The following SLCO3A1 variants were observed in gnomAD, a reference collection of about 807,000 sequenced individuals.
The protein encoded by SLCO3A1 is PGE1 transporter.
Under a neutral mutation model 63.1 loss-of-function variants are expected in SLCO3A1, and 27 were observed. That is an observed-to-expected ratio of 0.43 (90% confidence interval 0.32 to 0.59). The LOEUF (loss-of-function observed/expected upper bound fraction) is 0.59, where lower values mean the gene tolerates loss of function less well. SLCO3A1 is among the 20% of genes least tolerant of loss of function. The pLI, the probability that SLCO3A1 is intolerant of heterozygous loss-of-function variation, is 0.09. For missense variants in SLCO3A1, 773 were observed against 945.8 expected, an observed-to-expected ratio of 0.82 and a Z score of 2.40; for synonymous variants, 473 against 409.9, an observed-to-expected ratio of 1.15 and a Z score of -1.86.
Position 91,954,480 on chromosome 15 carries a change from A to AT in SLCO3A1, c.646+38025dup, listed in dbSNP as rs1900103328. The stretch of plus-strand genomic sequence containing the variant: ...TCAATAAATTGTTGCAGAAGCAAAT[A>AT]TTTACCTCACCACTGGGAGAGGGCT... On this transcript the variant is annotated intron_variant, in intron 2 of 9. Coordinates refer to ENST00000318445, the MANE Select transcript of SLCO3A1 (RefSeq NM_013272.4). This position sits in a 1 kb window ranked among gnomAD's most constrained non-coding sequence, Gnocchi z 4.7. 6.6e-6 allele frequency among the ~76,000 whole-genome samples: 1 copy of AT among 152,116 alleles called. No individual in the cohort carries two copies. Among genetic ancestry groups the AT allele is most frequent in the African/African-American group, 2.4e-5 (1 of 41,406 alleles).
chr15:92,072,764 T>C (rs2047231769), intron 2 of SLCO3A1, among the ~76,000 whole-genome samples: 1 of 152,138 alleles, frequency 6.6e-6, no homozygotes, highest in Non-Finnish European at 1.5e-5. Flanking sequence ...TTCTCTCTTT[T>C]CTGTGTGTCT....
intron 4 of SLCO3A1, among the ~76,000 whole-genome samples, chr15:92,112,189 G>C (rs1392089000): frequency 1.3e-5 from 2 of 152,200 alleles, no homozygotes; most frequent in Non-Finnish European, 2.9e-5. Flanking sequence ...GGGGGACAGG[G>C]ATGAGCAGAG....
intron 2 of SLCO3A1, among the ~76,000 whole-genome samples, chr15:92,016,442 T>G (rs1254433014): frequency 2.0e-5 from 3 of 152,168 alleles, no homozygotes; most frequent in Admixed American, 6.5e-5. Flanking sequence ...CTTGAGCCAC[T>G]GAGCCCAGCC....
At chr15:92,139,630 A>G (rs2048103029) in intron 7 of SLCO3A1, among the ~76,000 whole-genome samples, 1 of 152,136 alleles carries the variant, frequency 6.6e-6, no homozygotes, top group Non-Finnish European at 1.5e-5. Flanking sequence ...TTGGTAAACT[A>G]CTGATTATTG....
Position 92,164,314 on chromosome 15 carries a change from GAAA to G in SLCO3A1, c.*1186_*1188del. ...AAGAATATACAATGTGTTACAAGAA[GAAA>G]AAAAAATGCTTCAAAAAGAGAGTGT... On this transcript the variant is annotated 3_prime_UTR_variant, in exon 10 of 10. Transcript: ENST00000318445. 1.0e-6 allele frequency: 1 copy of G among 961,492 alleles called. No individual in the cohort carries two copies. The highest frequency in any genetic ancestry group is 1.2e-6 in the Non-Finnish European group (1 of 808,780). 59.6% of individuals were successfully genotyped at this position (961,492 alleles called of 1,614,324 possible).
At position 91,916,442 on chromosome 15, in the gene SLCO3A1, C is replaced by A. The variant is rs145033124; in HGVS notation, c.630C>A (p.Asp210Glu). 15 of 1,608,960 alleles carry A rather than the reference C, an allele frequency of 9.3e-6. No homozygotes were observed. Among genetic ancestry groups the A allele is most frequent in the East Asian group, 2.2e-5 (1 of 44,742 alleles). The change falls in exon 2 of 10, where the codon GAC (aspartate) becomes GAA (glutamate). Residue 210 changes from aspartate (D) to glutamate (E), a missense_variant. By Grantham distance (45) the Asp-to-Glu change is conservative (BLOSUM62 2). Coordinates refer to ENST00000318445, the MANE Select transcript of SLCO3A1 (RefSeq NM_013272.4). This position sits in a 1 kb window ranked among gnomAD's most constrained non-coding sequence, Gnocchi z 6.2. ...SYIDDHVRRK[D>E]SSLYIGILFT... ...TCGACGACCACGTGCGGAGGAAGGACTCCTCGCTCTATATAGGTAGGAGCT... is the reference window on the plus strand; with the variant it reads ...TCGACGACCACGTGCGGAGGAAGGAATCCTCGCTCTATATAGGTAGGAGCT...
chr15:92,151,030 T>G lies in SLCO3A1; in HGVS notation c.1753+16T>G. 1 of 1,572,528 alleles carries G rather than the reference T, an allele frequency of 6.4e-7. No individual in the cohort carries two copies. The highest frequency in any genetic ancestry group is 8.7e-7 in the Non-Finnish European group (1 of 1,145,174). ...CGTTTGTTGGGTATGTATTATCTCT[T>G]TATTTCCTCAATAATGAATTGGATG... On this transcript the variant is annotated intron_variant, in intron 9 of 9. Transcript: ENST00000318445.
intron 2 of SLCO3A1, among the ~76,000 whole-genome samples, chr15:91,983,865 T>G (rs2151438462): frequency 6.6e-6 from 1 of 152,320 alleles, no homozygotes; most frequent in East Asian, 1.9e-4. Flanking sequence ...CATGTCACAT[T>G]CCTGGACCAT....
chr15:92,145,197 A>G (rs1229602198), intron 7 of SLCO3A1, among the ~76,000 whole-genome samples: 1 of 152,152 alleles, frequency 6.6e-6, no homozygotes, highest in Non-Finnish European at 1.5e-5. Context: ...TGCGTGTGGA[A>G]ACAGAAGCCA....
At chr15:92,053,048 A>G (rs1286210313) in intron 2 of SLCO3A1, among the ~76,000 whole-genome samples, 1 of 152,130 alleles carries the variant, frequency 6.6e-6, no homozygotes, top group African/African-American at 2.4e-5. Context: ...AGCCCTTCAG[A>G]TGTTTTAAGG....
At chr15:92,026,339 G>C (rs1334844742) in intron 2 of SLCO3A1, among the ~76,000 whole-genome samples, 1 of 152,222 alleles carries the variant, frequency 6.6e-6, no homozygotes, top group Non-Finnish European at 1.5e-5. Context: ...CTAATGGACT[G>C]TTCCTCCACA....
intron 2 of SLCO3A1, among the ~76,000 whole-genome samples, chr15:92,058,147 A>G (rs985946652): frequency 6.6e-6 from 1 of 151,722 alleles, no homozygotes; most frequent in Non-Finnish European, 1.5e-5. Flanking sequence ...AGGTTCCTGT[A>G]TAAGCGTGAG....
intron 1 of SLCO3A1, among the ~76,000 whole-genome samples, chr15:91,864,614 T>G (rs1897122368): frequency 6.6e-6 from 1 of 151,960 alleles, no homozygotes; most frequent in Non-Finnish European, 1.5e-5. Flanking sequence ...ATGCTTAGGA[T>G]TTCATTGGGG....
Position 91,872,158 on chromosome 15 carries a change from G to A in SLCO3A1, c.180+18070G>A, listed in dbSNP as rs898331699. On this transcript the variant is annotated intron_variant, in intron 1 of 9. Transcript: ENST00000318445. The surrounding 1 kb of genome is among the most constrained non-coding windows in gnomAD (Gnocchi z 4.1). The stretch of plus-strand genomic sequence containing the variant: ...CCGGGAGGACACAAGCAGTCTGATC[G>A]AACTCTCACACAAATCCCATGCAGT... Among the ~76,000 whole-genome samples the A allele has an allele frequency of 1.6e-4, 24 of 152,220 alleles. No homozygotes were observed. The highest frequency in any genetic ancestry group is 6.5e-5 in the Admixed American group (1 of 15,294).
chr15:91,921,188 C>T (rs1414925579), intron 2 of SLCO3A1, among the ~76,000 whole-genome samples: 1 of 152,216 alleles, frequency 6.6e-6, no homozygotes, highest in Non-Finnish European at 1.5e-5. Flanking sequence ...TTGCCTTCTA[C>T]CTGTGTCCTC....
At chr15:92,004,948 A>T (rs1292746149) in intron 2 of SLCO3A1, among the ~76,000 whole-genome samples, 1 of 152,192 alleles carries the variant, frequency 6.6e-6, no homozygotes, top group Non-Finnish European at 1.5e-5. Context: ...TCATTTCCTT[A>T]TGGGGATAAT....
intron 4 of SLCO3A1, among the ~76,000 whole-genome samples, chr15:92,106,160 C>T (rs1459073454): frequency 6.6e-6 from 1 of 152,218 alleles, no homozygotes; most frequent in Non-Finnish European, 1.5e-5. Context: ...TGTGCGATTT[C>T]TGAAAAGAGA....
intron 4 of SLCO3A1, among the ~76,000 whole-genome samples, chr15:92,117,431 G>T (rs2047808664): frequency 6.6e-6 from 1 of 152,198 alleles, no homozygotes; most frequent in Non-Finnish European, 1.5e-5. Flanking sequence ...TACAGTGAAA[G>T]CACGGCAGAG....
intron 2 of SLCO3A1, among the ~76,000 whole-genome samples, chr15:92,051,706 G>A (rs762793503): frequency 5.3e-5 from 8 of 152,060 alleles, no homozygotes; most frequent in Admixed American, 6.5e-5. Flanking sequence ...TGCTAGGTTC[G>A]TGCTTGTATC....
Sources: allele counts gnomAD v4.1 joint callset (sites outside exome capture counted in the v4.1 genomes callset), GRCh38; gene constraint gnomAD v4.1.1; non-coding constraint Gnocchi (gnomAD v3.1); transcripts MANE v1.5; gene names NCBI Gene and HGNC (gene_info 2026-07-23, HGNC 2026-07-21).